TRAF5: variants seen among roughly 807,000 people sequenced by gnomAD.
The protein encoded by TRAF5 is TNF receptor-associated factor 5.
TRAF5 carries 48 observed loss-of-function variants against 64.5 expected under a neutral mutation model. That is an observed-to-expected ratio of 0.74 (90% CI 0.59 to 0.95). TRAF5 has a LOEUF of 0.95. TRAF5 is among the 40% of genes least tolerant of loss of function. The pLI is 0.00. For synonymous variants in TRAF5, 206 were observed against 240.5 expected (o/e 0.86, Z 1.33); for missense variants, 545 against 662.8 (o/e 0.82, Z 1.95).
chr1:211,328,948 G>C (rs115613644), intron 1 of TRAF5, among the ~76,000 whole-genome samples: 1 of 152,170 alleles, frequency 6.6e-6, no homozygotes, highest in African/African-American at 2.4e-5. Flanking sequence ...ACCAGGATCA[G>C]AGCATTGAGG....
intron 1 of TRAF5, among the ~76,000 whole-genome samples, chr1:211,330,810 C>T (rs1032723725): frequency 1.3e-5 from 2 of 152,194 alleles, no homozygotes; most frequent in African/African-American, 4.8e-5. Context: ...TTATCCTCCT[C>T]TGTCCTGCAA....
At chr1:211,327,175 G>A (rs1702039594) in intron 1 of TRAF5, among the ~76,000 whole-genome samples, 1 of 152,100 alleles carries the variant, frequency 6.6e-6, no homozygotes, top group Non-Finnish European at 1.5e-5. Flanking sequence ...GTGTGGCGAG[G>A]GCGGAGACTG....
chr1:211,369,953 ATCT>A (rs1008476901), intron 9 of TRAF5, among the ~76,000 whole-genome samples: 3 of 152,226 alleles, frequency 2.0e-5, no homozygotes, highest in Non-Finnish European at 4.4e-5. Context: ...AAGAATAAAG[ATCT>A]TCTTTTACAC....
intron 8 of TRAF5, among the ~76,000 whole-genome samples, chr1:211,368,050 T>C (rs957117863): frequency 5.3e-5 from 8 of 152,166 alleles, no homozygotes; most frequent in Admixed American, 5.2e-4. Flanking sequence ...AGGAAATATT[T>C]CCAAGAGGAT....
intron 1 of TRAF5, among the ~76,000 whole-genome samples, chr1:211,339,570 C>G (rs1462276742): frequency 6.6e-6 from 1 of 152,214 alleles, no homozygotes; most frequent in Non-Finnish European, 1.5e-5. Flanking sequence ...CCAGTTCTAC[C>G]TACTTCTCTT....
In TRAF5 at chr1:211,372,801, T is replaced by C; in HGVS notation, c.*99T>C. On this transcript the variant is annotated 3_prime_UTR_variant, in exon 11 of 11. Coordinates refer to ENST00000261464, the MANE Select transcript of TRAF5 (RefSeq NM_001033910.3). ...GACCTGGATTTAGACTCAAAGCACATTTGTATTTGCCTTTTTCCTTAACGT... is the reference window on the plus strand; with the variant it reads ...GACCTGGATTTAGACTCAAAGCACACTTGTATTTGCCTTTTTCCTTAACGT... 1.8e-6 allele frequency: 2 copies of C among 1,118,786 alleles called. No homozygotes were observed. The highest frequency in any genetic ancestry group is 2.6e-6 in the Non-Finnish European group (2 of 776,144). 69.3% of individuals were successfully genotyped at this position (1,118,786 alleles called of 1,614,324 possible). A position where few individuals can be genotyped will look rare whatever the true frequency, so the allele number is the denominator to read the frequency against.
In TRAF5 at chr1:211,353,389, G is replaced by A. The variant is rs764069786; in HGVS notation, c.150G>A (p.Ser50=). 2.2e-5 allele frequency: 35 copies of A among 1,613,998 alleles called. No individual in the cohort carries two copies. The Admixed American group carries it at 3.8e-4, about 18-fold the overall frequency. ...GCTACAAATGTGCCTTCTGCCACTCGGTGCTTCACAACCCCCACCAGACAG... is the reference window on the plus strand; with the variant it reads ...GCTACAAATGTGCCTTCTGCCACTCAGTGCTTCACAACCCCCACCAGACAG... The part of the protein sequence containing the change: ...EERYKCAFCH[S]VLHNPHQTGC... The change falls in exon 2 of 11, where the codon TCG becomes TCA. Residue 50 remains serine (S), a synonymous_variant. Coordinates refer to ENST00000261464, the MANE Select transcript of TRAF5 (RefSeq NM_001033910.3).
At chr1:211,352,493 G>C (rs1702821316) in intron 1 of TRAF5, among the ~76,000 whole-genome samples, 1 of 149,394 alleles carries the variant, frequency 6.7e-6, no homozygotes, top group South Asian at 2.1e-4. Context: ...GCCTGGTGTG[G>C]TGGTGTGTGC....
chr1:211,347,419 C>T (rs767686544), intron 1 of TRAF5, among the ~76,000 whole-genome samples: 1 of 152,114 alleles, frequency 6.6e-6, no homozygotes, highest in Admixed American at 6.5e-5. Context: ...AGAACCTCAC[C>T]CAGAAAGACA....
chr1:211,371,006 A>G (rs772084064), intron 9 of TRAF5, among the ~76,000 whole-genome samples: 3 of 152,186 alleles, frequency 2.0e-5, no homozygotes, highest in Non-Finnish European at 4.4e-5. Context: ...ATGAAAATAA[A>G]TATATAAAGA....
intron 1 of TRAF5, among the ~76,000 whole-genome samples, chr1:211,334,612 C>T (rs890534926): frequency 9.9e-5 from 15 of 152,114 alleles, no homozygotes; most frequent in Non-Finnish European, 2.1e-4. Flanking sequence ...GAGCCGAGAT[C>T]GCACCACTGC....
At chr1:211,347,005 C>T (rs1001533379) in intron 1 of TRAF5, among the ~76,000 whole-genome samples, 31 of 152,202 alleles carry the variant, frequency 2.0e-4, no homozygotes, top group South Asian at 4.1e-4. Context: ...GAGTACCACA[C>T]TGTACATCCC....
chr1:211,371,233 T>G (rs1703510248), intron 9 of TRAF5, 69 bp from the exon 10 acceptor site: 1 of 1,432,684 alleles, frequency 7.0e-7, no homozygotes, highest in African/African-American at 1.5e-5. Flanking sequence ...TGAAAAAAAT[T>G]TTAATCTCAA....
At chr1:211,350,826 G>A (rs1253271105) in intron 1 of TRAF5, among the ~76,000 whole-genome samples, 6 of 152,050 alleles carry the variant, frequency 3.9e-5, no homozygotes, top group South Asian at 2.1e-4. Flanking sequence ...TCCCTCTTCC[G>A]GGCTGCAGAC....
chr1:211,342,334 A>T (rs1416982087), intron 1 of TRAF5, among the ~76,000 whole-genome samples: 5 of 151,850 alleles, frequency 3.3e-5, no homozygotes, highest in African/African-American at 1.2e-4. Context: ...TTTTTTTTGA[A>T]TTGTGATAAG....
chr1:211,329,233 G>A (rs1223301265), intron 1 of TRAF5, among the ~76,000 whole-genome samples: 1 of 152,204 alleles, frequency 6.6e-6, no homozygotes, highest in Non-Finnish European at 1.5e-5. Context: ...CATAGAGTAG[G>A]CCTAAACAGA....
chr1:211,339,382 T>A (rs1432442732), intron 1 of TRAF5, among the ~76,000 whole-genome samples: 2 of 152,164 alleles, frequency 1.3e-5, no homozygotes, highest in Non-Finnish European at 2.9e-5. Context: ...TTGCAGCAAA[T>A]CCAACAGGCC....
chr1:211,337,530 A>G (rs905608242), intron 1 of TRAF5, among the ~76,000 whole-genome samples: 8 of 152,174 alleles, frequency 5.3e-5, no homozygotes, highest in African/African-American at 1.7e-4. Flanking sequence ...CAGCAGAGAC[A>G]GCTTCTGTTT....
At chr1:211,335,305 A>G (rs995003886) in intron 1 of TRAF5, among the ~76,000 whole-genome samples, 1 of 152,186 alleles carries the variant, frequency 6.6e-6, no homozygotes, top group Non-Finnish European at 1.5e-5. Flanking sequence ...GAATAATACA[A>G]TGAGGGTCTG....
Sources: allele counts gnomAD v4.1 joint callset (sites outside exome capture counted in the v4.1 genomes callset), GRCh38; gene constraint gnomAD v4.1.1; transcripts MANE v1.5; gene names NCBI Gene and HGNC (gene_info 2026-07-23, HGNC 2026-07-21).